ASXL2: variants seen among roughly 807,000 people sequenced by gnomAD.
The protein encoded by ASXL2 is putative Polycomb group protein ASXL2.
Under a neutral mutation model 122.0 loss-of-function variants are expected in ASXL2, and 23 were observed. The observed-to-expected ratio is 0.19, with a 90% CI of 0.14 to 0.27. The LOEUF (loss-of-function observed/expected upper bound fraction) is 0.27. Among genes scored for constraint, ASXL2 ranks in the 10% least tolerant of loss-of-function variants. The pLI is 1.00. For missense variants in ASXL2, 1,518 were observed against 1,713.8 expected (o/e 0.89, Z 2.02); for synonymous variants, 650 against 637.0 (o/e 1.02, Z -0.31).
At chr2:25,754,786 TAAAG>T (rs2088105495) in intron 10 of ASXL2, among the ~76,000 whole-genome samples, 1 of 151,928 alleles carries the variant, frequency 6.6e-6, no homozygotes, top group Non-Finnish European at 1.5e-5. Context: ...AATTTATTCT[TAAAG>T]AAAGGTACCG....
chr2:25,799,035 T>C (rs2088953725), intron 5 of ASXL2, among the ~76,000 whole-genome samples: 1 of 152,086 alleles, frequency 6.6e-6, no homozygotes, highest in South Asian at 2.1e-4. Context: ...GGGAAGGCTG[T>C]GCATGTGGCG....
At chr2:25,770,521 G>A (rs912847692) in intron 6 of ASXL2, among the ~76,000 whole-genome samples, 5 of 151,450 alleles carry the variant, frequency 3.3e-5, no homozygotes, top group African/African-American at 7.3e-5. Context: ...TTGGAAGGTC[G>A]AGGCAGTTGA....
At chr2:25,874,484 G>A (rs181980860) in intron 1 of ASXL2, among the ~76,000 whole-genome samples, 10 of 152,168 alleles carry the variant, frequency 6.6e-5, no homozygotes, top group Admixed American at 6.5e-5. Context: ...GTGAGACCCC[G>A]TCTCACACAC....
intron 10 of ASXL2, among the ~76,000 whole-genome samples, chr2:25,754,942 G>A (rs1470807742): frequency 1.3e-5 from 2 of 152,128 alleles, no homozygotes; most frequent in Non-Finnish European, 2.9e-5. Context: ...AAGAGGATGG[G>A]AAAAGTCAAC....
intron 11 of ASXL2, among the ~76,000 whole-genome samples, chr2:25,752,800 G>C (rs2088067689): frequency 6.6e-6 from 1 of 150,654 alleles, no homozygotes; most frequent in Non-Finnish European, 1.5e-5. Context: ...GTCTGAGATT[G>C]CGCCACTGTA....
In ASXL2 at chr2:25,743,171, C is replaced by T. The variant is rs367562789; in HGVS notation, c.3166G>A (p.Glu1056Lys). Residue 1056 changes from glutamate (E) to lysine (K), a missense_variant, in exon 13 of 13, where the codon GAA becomes AAA. Around this residue, in one of 8 missense-constraint regions of ASXL2, gnomAD observed 831 missense variants for 833.1 expected, o/e 1.00. Transcript: ENST00000435504. ...TCTTGGGTTGCTTTACTTAGTCCTT[C>T]GTGGTATTGGTGTGTGTCAATGCTG... ...DSSIDTHQYH[E>K]GLSKATQDQI... The T allele has an allele frequency of 5.0e-6, 8 of 1,613,854 alleles. No homozygotes were observed. Among genetic ancestry groups the T allele is most frequent in the African/African-American group, 4.0e-5 (3 of 74,912 alleles).
intron 11 of ASXL2, among the ~76,000 whole-genome samples, chr2:25,752,884 A>C (rs1395351242): frequency 1.3e-5 from 2 of 151,968 alleles, no homozygotes; most frequent in Non-Finnish European, 2.9e-5. Context: ...AAGAACTTCA[A>C]TATTCTTCTA....
At chr2:25,767,342 A>T (rs2088370106) in intron 8 of ASXL2, among the ~76,000 whole-genome samples, 1 of 152,246 alleles carries the variant, frequency 6.6e-6, no homozygotes, top group Non-Finnish European at 1.5e-5. Flanking sequence ...ACATGAACAT[A>T]GTCAAGAGCT....
At chr2:25,790,800 C>CTT (rs35046164) in intron 5 of ASXL2, among the ~76,000 whole-genome samples, 8,750 of 108,764 alleles carry the variant, frequency 0.08, 635 homozygotes, top group Middle Eastern at 0.11. Flanking sequence ...AGTTTTTTGT[C>CTT]TTTTTTTTTT....
intron 3 of ASXL2, among the ~76,000 whole-genome samples, chr2:25,832,007 C>G (rs908466450): frequency 1.5e-4 from 23 of 152,012 alleles, no homozygotes; most frequent in African/African-American, 5.1e-4. Flanking sequence ...CAGCTTCAGA[C>G]TAAGTAAAAC....
At chr2:25,775,548 T>G (rs1183587657) in intron 5 of ASXL2, among the ~76,000 whole-genome samples, 1 of 152,168 alleles carries the variant, frequency 6.6e-6, no homozygotes, top group Non-Finnish European at 1.5e-5. Context: ...GTTCTCGTGA[T>G]AGTGAGTTCT....
intron 1 of ASXL2, among the ~76,000 whole-genome samples, chr2:25,874,697 C>G (rs754909709): frequency 1.3e-5 from 2 of 152,188 alleles, no homozygotes; most frequent in Non-Finnish European, 2.9e-5. Context: ...CGGTTAGCTA[C>G]AAGTTTTCAA....
At chr2:25,812,588 T>C (rs1355638917) in intron 3 of ASXL2, among the ~76,000 whole-genome samples, 1 of 152,190 alleles carries the variant, frequency 6.6e-6, no homozygotes, top group Non-Finnish European at 1.5e-5. Flanking sequence ...CATTACTCAA[T>C]TCTGCCTTAG....
At chr2:25,807,920 TGA>T (rs903097881) in intron 3 of ASXL2, among the ~76,000 whole-genome samples, 5 of 151,456 alleles carry the variant, frequency 3.3e-5, no homozygotes, top group Non-Finnish European at 7.4e-5. Context: ...GTCATGTGGT[TGA>T]GAGGGACTGA....
At chr2:25,781,107 G>A (rs2088629068) in intron 5 of ASXL2, among the ~76,000 whole-genome samples, 1 of 150,694 alleles carries the variant, frequency 6.6e-6, no homozygotes, top group South Asian at 2.1e-4. Flanking sequence ...ATGTTTTCCT[G>A]TAGTACTTGG....
At chr2:25,802,981 A>T (rs2089022962) in intron 4 of ASXL2, among the ~76,000 whole-genome samples, 2 of 152,030 alleles carry the variant, frequency 1.3e-5, no homozygotes, top group Admixed American at 1.3e-4. Flanking sequence ...AAATACAAAA[A>T]ATTAGTTAGG....
At chr2:25,764,874 AT>A (rs1449254076) in intron 8 of ASXL2, among the ~76,000 whole-genome samples, 1 of 152,108 alleles carries the variant, frequency 6.6e-6, no homozygotes, top group Admixed American at 6.6e-5. Flanking sequence ...GTTGTGAATT[AT>A]TTTCTACTAC....
At chr2:25,873,796 T>TCCCAAAA (rs2089985630) in intron 1 of ASXL2, among the ~76,000 whole-genome samples, 1 of 152,058 alleles carries the variant, frequency 6.6e-6, no homozygotes, top group Admixed American at 6.6e-5. Context: ...CAATGTCCCT[T>TCCCAAAA]AAGTGTATAA....
chr2:25,783,517 T>C (rs1428547936), intron 5 of ASXL2, among the ~76,000 whole-genome samples: 1 of 152,156 alleles, frequency 6.6e-6, no homozygotes, highest in Non-Finnish European at 1.5e-5. Context: ...TTTTTTTTAT[T>C]ATAAATTATT....
Sources: allele counts gnomAD v4.1 joint callset (sites outside exome capture counted in the v4.1 genomes callset), GRCh38; gene constraint gnomAD v4.1.1; regional missense constraint gnomAD v4.1.1; transcripts MANE v1.5; gene names NCBI Gene and HGNC (gene_info 2026-07-23, HGNC 2026-07-21).